Variants in REL observed in about 807,000 individuals in gnomAD.
The protein encoded by REL is REL proto-oncogene, NF-kB subunit, also known as proto-oncogene c-Rel.
A neutral mutation model predicts 45.9 loss-of-function variants in REL; 15 were observed. The observed-to-expected ratio is 0.33, with a 90% CI of 0.22 to 0.50. The LOEUF (loss-of-function observed/expected upper bound fraction) is 0.50, where lower values mean the gene tolerates loss of function less well. Among genes scored for constraint, REL ranks in the 20% least tolerant of loss-of-function variants. The pLI, the probability that REL is intolerant of heterozygous loss-of-function variation, is 0.98. For missense variants in REL, 601 were observed against 715.2 expected, an observed-to-expected ratio of 0.84 and a Z score of 1.82; for synonymous variants, 239 against 242.1, an observed-to-expected ratio of 0.99 and a Z score of 0.12.
intron 4 of REL, among the ~76,000 whole-genome samples, chr2:60,906,136 T>A (rs1673642110): frequency 6.6e-6 from 1 of 152,200 alleles, no homozygotes; most frequent in African/African-American, 2.4e-5. Flanking sequence ...TGAGACTTAT[T>A]CACTACCACG....
chr2:60,904,829 G>T (rs1337135262), intron 4 of REL, among the ~76,000 whole-genome samples: 1 of 152,154 alleles, frequency 6.6e-6, no homozygotes, highest in Non-Finnish European at 1.5e-5. Flanking sequence ...GGTCAAGGCT[G>T]CAGTGAACGG....
At chr2:60,906,878 T>G (rs1673669416) in intron 4 of REL, among the ~76,000 whole-genome samples, 1 of 146,834 alleles carries the variant, frequency 6.8e-6, no homozygotes, top group Non-Finnish European at 1.5e-5. Context: ...TGTGCGTGTG[T>G]GTATGTGTGT....
chr2:60,900,939 CA>C (rs148832759), intron 3 of REL, 52 bp from the exon 4 acceptor site: 2 of 1,461,150 alleles, frequency 1.4e-6, no homozygotes, highest in Non-Finnish European at 1.9e-6. Context: ...TTGATTTTTG[CA>C]ATATTCCTTG....
intron 1 of REL, among the ~76,000 whole-genome samples, chr2:60,890,241 G>A (rs1225009163): frequency 6.6e-6 from 1 of 152,190 alleles, no homozygotes; most frequent in African/African-American, 2.4e-5. Context: ...TTTATTGAAT[G>A]TGTATGTATA....
At chr2:60,902,365 A>G (rs1673521706) in intron 4 of REL, among the ~76,000 whole-genome samples, 3 of 152,138 alleles carry the variant, frequency 2.0e-5, no homozygotes, top group Admixed American at 2.0e-4. Flanking sequence ...GGAGACTGCT[A>G]TTAAGTTTGA....
intron 1 of REL, among the ~76,000 whole-genome samples, chr2:60,885,024 A>G (rs903741183): frequency 3.3e-5 from 5 of 152,208 alleles, no homozygotes; most frequent in Admixed American, 3.3e-4. Context: ...AAAAATAGAA[A>G]TAACAATGGA....
chr2:60,886,715 G>A (rs929845201), intron 1 of REL, among the ~76,000 whole-genome samples: 4 of 151,886 alleles, frequency 2.6e-5, no homozygotes, highest in Non-Finnish European at 5.9e-5. Context: ...GTCTATTTCC[G>A]ATAATTTATG....
chr2:60,889,611 C>T (rs1360992283), intron 1 of REL, among the ~76,000 whole-genome samples: 1 of 152,054 alleles, frequency 6.6e-6, no homozygotes, highest in Admixed American at 6.6e-5. Context: ...CTTTCCCTCC[C>T]CCCTTCCCCC....
intron 4 of REL, among the ~76,000 whole-genome samples, chr2:60,916,269 C>A (rs1442511319): frequency 6.6e-6 from 1 of 152,128 alleles, no homozygotes; most frequent in African/African-American, 2.4e-5. Context: ...GAAAAATTAG[C>A]TGGGCGTGGT....
chr2:60,910,949 C>T (rs1673798092), intron 4 of REL, among the ~76,000 whole-genome samples: 1 of 152,118 alleles, frequency 6.6e-6, no homozygotes, highest in African/African-American at 2.4e-5. Context: ...ACAAACAAAA[C>T]TGAGTATCAA....
At chr2:60,912,478 T>C (rs979508304) in intron 4 of REL, among the ~76,000 whole-genome samples, 26 of 152,158 alleles carry the variant, frequency 1.7e-4, no homozygotes, top group Non-Finnish European at 3.5e-4. Context: ...GAAGTTGCAA[T>C]TTCCAAGAAC....
Position 60,929,951 on chromosome 2 carries a change from T to A in REL, c.*7416T>A, listed in dbSNP as rs1002179361. On this transcript the variant is annotated 3_prime_UTR_variant, in exon 10 of 10. Coordinates refer to ENST00000394479, the MANE Select transcript of REL (RefSeq NM_001291746.2). ...AGGAGGTTGAGTCTGTAGTGAGCAGTGATTACGCCACTGCACTCCAGCCTG... is the reference window on the plus strand; with the variant it reads ...AGGAGGTTGAGTCTGTAGTGAGCAGAGATTACGCCACTGCACTCCAGCCTG... 2.6e-5 allele frequency: 4 copies of A among 151,470 alleles called. No homozygotes were observed. Among genetic ancestry groups the A allele is most frequent in the Admixed American group, 2.6e-4 (4 of 15,206 alleles). The allele number at this position is 151,470 out of a possible 1,614,324, so 9.4% of individuals were successfully genotyped here.
intron 9 of REL, 56 bp downstream of exon 9, chr2:60,920,698 A>G (rs942809958): frequency 9.8e-7 from 1 of 1,018,792 alleles, no homozygotes; most frequent in African/African-American, 1.6e-5. Context: ...TACTTTGCAC[A>G]ATATATTGGA....
intron 3 of REL, among the ~76,000 whole-genome samples, chr2:60,897,534 G>A (rs1042537779): frequency 3.3e-5 from 5 of 151,690 alleles, no homozygotes. Context: ...TCTCAAACTC[G>A]TGACCTCAGG....
At chr2:60,901,955 C>T (rs1228083690) in intron 4 of REL, among the ~76,000 whole-genome samples, 3 of 152,010 alleles carry the variant, frequency 2.0e-5, no homozygotes, top group East Asian at 3.8e-4. Flanking sequence ...AGTATAAATG[C>T]TTAATACTCC....
intron 4 of REL, among the ~76,000 whole-genome samples, chr2:60,913,062 C>A (rs1673864145): frequency 6.6e-6 from 1 of 151,994 alleles, no homozygotes; most frequent in Admixed American, 6.5e-5. Context: ...TTCTATAAAA[C>A]TTTTGATAAA....
At chr2:60,892,069 C>CAAGCACCATAGAA (rs1673229393) in intron 2 of REL, among the ~76,000 whole-genome samples, 1 of 152,038 alleles carries the variant, frequency 6.6e-6, no homozygotes, top group South Asian at 2.1e-4. Context: ...TGTGTATTAA[C>CAAGCACCATAGAA]CTAAGTAGAG....
At chr2:60,892,430 T>G (rs1452041934) in intron 2 of REL, among the ~76,000 whole-genome samples, 2 of 152,152 alleles carry the variant, frequency 1.3e-5, no homozygotes, top group Admixed American at 6.5e-5. Context: ...CTAAATTTAT[T>G]TATTTATTTA....
Position 60,921,914 on chromosome 2 carries a change from A to G in REL, c.1143A>G (p.Ser381=), listed in dbSNP as rs1674151231. 6.2e-7 allele frequency: 1 copy of G among 1,613,956 alleles called. No individual in the cohort carries two copies. Among genetic ancestry groups the G allele is most frequent in the Admixed American group, 1.7e-5 (1 of 59,978 alleles). Residue 381 remains serine (S), a synonymous_variant, in exon 10 of 10, where the codon TCA becomes TCG. Coordinates refer to ENST00000394479, the MANE Select transcript of REL (RefSeq NM_001291746.2). ...CACCTCTGCCTTCTTCAAGCTGGTCATCAGTGGCCCACCCCACCCCACGCT... is the reference window on the plus strand; with the variant it reads ...CACCTCTGCCTTCTTCAAGCTGGTCGTCAGTGGCCCACCCCACCCCACGCT... ...SMAPLPSSSW[S]SVAHPTPRSG...
Sources: gnomAD v4.1 joint callset for allele counts (sites outside exome capture counted in the v4.1 genomes callset) on GRCh38, gnomAD v4.1.1 for gene constraint, MANE v1.5 for transcripts, NCBI Gene and HGNC (gene_info 2026-07-23, HGNC 2026-07-21) for gene names.